The following MACROD2 variants were observed in gnomAD, a reference collection of about 807,000 sequenced individuals.
The protein encoded by MACROD2 is ADP-ribose glycohydrolase MACROD2.
In MACROD2, 36 loss-of-function variants were observed where a neutral mutation model predicts 70.4. The observed-to-expected ratio is 0.51, with a 90% CI of 0.39 to 0.68. The LOEUF is 0.68. Ranked by LOEUF, MACROD2 falls within the 30% of genes least tolerant of loss-of-function variation. The pLI, the probability that MACROD2 is intolerant of heterozygous loss-of-function variation, is 0.00. For synonymous variants in MACROD2, 172 were observed against 178.8 expected, an observed-to-expected ratio of 0.96 and a Z score of 0.30; for missense variants, 496 against 538.4, an observed-to-expected ratio of 0.92 and a Z score of 0.78.
intron 3 of MACROD2, among the ~76,000 whole-genome samples, chr20:14,150,489 T>A (rs975179185): frequency 8.5e-5 from 13 of 152,238 alleles, no homozygotes; most frequent in African/African-American, 3.1e-4. Flanking sequence ...GGAATTATTA[T>A]CTTTCTTCTA....
At chr20:15,645,502 G>A (rs984397168) in intron 8 of MACROD2, among the ~76,000 whole-genome samples, 14 of 152,122 alleles carry the variant, frequency 9.2e-5, no homozygotes, top group African/African-American at 2.2e-4. Flanking sequence ...TGAAAAACTC[G>A]GAAAAGCTCA....
intron 5 of MACROD2, among the ~76,000 whole-genome samples, chr20:14,783,816 C>A (rs1168367785): frequency 6.6e-6 from 1 of 152,046 alleles, no homozygotes; most frequent in Non-Finnish European, 1.5e-5. Flanking sequence ...CTCTGGTGAC[C>A]CCTGTAGAAT....
chr20:15,406,054 A>G (rs959374704), intron 6 of MACROD2, among the ~76,000 whole-genome samples: 1 of 152,144 alleles, frequency 6.6e-6, no homozygotes, highest in African/African-American at 2.4e-5. Flanking sequence ...GCCGTTAGGG[A>G]CTTCCGAGAG....
At chr20:15,238,151 G>A (rs1421433425) in intron 6 of MACROD2, among the ~76,000 whole-genome samples, 1 of 152,182 alleles carries the variant, frequency 6.6e-6, no homozygotes, top group Non-Finnish European at 1.5e-5. Context: ...TTCTAATAGA[G>A]CAAAGCTACA....
At chr20:14,232,947 T>C (rs987767478) in intron 3 of MACROD2, among the ~76,000 whole-genome samples, 1 of 152,224 alleles carries the variant, frequency 6.6e-6, no homozygotes, top group Non-Finnish European at 1.5e-5. Flanking sequence ...TTTCTTTCAG[T>C]TGAACACTTA....
At chr20:14,565,389 C>T (rs11700265) in intron 4 of MACROD2, among the ~76,000 whole-genome samples, 26,665 of 151,496 alleles carry the variant, frequency 0.18, 3,179 homozygotes, top group Non-Finnish European at 0.26. Flanking sequence ...ACTTTCATCA[C>T]CACAAGGATT....
intron 8 of MACROD2, among the ~76,000 whole-genome samples, chr20:15,837,217 T>C (rs2147125248): frequency 6.6e-6 from 1 of 152,324 alleles, no homozygotes; most frequent in South Asian, 2.1e-4. Context: ...TTTCTTAATA[T>C]TGTTTAACCA....
intron 3 of MACROD2, among the ~76,000 whole-genome samples, chr20:14,105,923 A>G (rs1041344291): frequency 6.6e-6 from 1 of 152,216 alleles, no homozygotes; most frequent in African/African-American, 2.4e-5. Context: ...GGCAGGATTC[A>G]TCACCTGTTG....
intron 5 of MACROD2, among the ~76,000 whole-genome samples, chr20:14,932,154 A>G (rs6110471): frequency 0.043 from 6,568 of 152,250 alleles, 413 homozygotes; most frequent in African/African-American, 0.15. Flanking sequence ...CAAACTCCCT[A>G]TTACTTATAT....
intron 5 of MACROD2, among the ~76,000 whole-genome samples, chr20:14,864,316 T>G (rs1443780423): frequency 6.6e-6 from 1 of 152,136 alleles, no homozygotes; most frequent in Non-Finnish European, 1.5e-5. Context: ...AAATAATATC[T>G]GTTTGTGTAT....
chr20:15,059,691 A>T, intron 5 of MACROD2, among the ~76,000 whole-genome samples: 1 of 152,124 alleles, frequency 6.6e-6, no homozygotes, highest in East Asian at 1.9e-4. Context: ...AAAGCTGGAT[A>T]TTTTTACCCA....
chr20:14,924,460 A>AAAAATAT (rs2074204255), intron 5 of MACROD2, among the ~76,000 whole-genome samples: 4 of 152,020 alleles, frequency 2.6e-5, no homozygotes, highest in African/African-American at 9.7e-5. Context: ...ATAAAAAATA[A>AAAAATAT]AAAATAAAAA....
chr20:14,463,746 G>T (rs1193764508), intron 3 of MACROD2, among the ~76,000 whole-genome samples: 1 of 151,962 alleles, frequency 6.6e-6, no homozygotes, highest in African/African-American at 2.4e-5. Flanking sequence ...AGCATGGAGG[G>T]TTTTTGAATT....
In MACROD2 at chr20:15,973,848, G is replaced by A. The variant is rs184365493; in HGVS notation, c.985+6218G>A. 5.8e-4 allele frequency among the ~76,000 whole-genome samples: 89 copies of A among 152,272 alleles called. No individual in the cohort carries two copies. The East Asian group carries it at 0.014, about 23-fold the overall frequency. On this transcript the variant is annotated intron_variant, in intron 13 of 17. Coordinates refer to ENST00000684519, the MANE Select transcript of MACROD2 (RefSeq NM_001351661.2). ...AAAAATCTCCAGTGACAAAGAGTTG[G>A]TTATTTGATATTGATAACAATTTAA... is the stretch of plus-strand genomic sequence containing the variant.
At chr20:14,906,465 G>C (rs1156595273) in intron 5 of MACROD2, among the ~76,000 whole-genome samples, 1 of 152,162 alleles carries the variant, frequency 6.6e-6, no homozygotes, top group East Asian at 1.9e-4. Flanking sequence ...CTGCACTCCA[G>C]CCTGGGCAAC....
At chr20:14,548,922 C>T (rs1978460542) in intron 4 of MACROD2, among the ~76,000 whole-genome samples, 1 of 152,118 alleles carries the variant, frequency 6.6e-6, no homozygotes, top group Non-Finnish European at 1.5e-5. Context: ...GGGAACTCTG[C>T]ACGTGCCTCG....
chr20:15,905,848 G>A (rs2065139469), intron 10 of MACROD2, among the ~76,000 whole-genome samples: 1 of 152,152 alleles, frequency 6.6e-6, no homozygotes. Flanking sequence ...AAGTGTGCCT[G>A]TTCTCTCCTA....
intron 5 of MACROD2, among the ~76,000 whole-genome samples, chr20:14,833,473 A>G (rs1182066135): frequency 6.6e-6 from 1 of 152,142 alleles, no homozygotes; most frequent in Admixed American, 6.5e-5. Context: ...AGGCATTGAA[A>G]AAGTGACAGT....
chr20:15,935,070 C>T (rs1349658937), intron 11 of MACROD2, among the ~76,000 whole-genome samples: 2 of 152,126 alleles, frequency 1.3e-5, no homozygotes, highest in African/African-American at 4.8e-5. Context: ...CGTATGCATG[C>T]ACTCACATAC....
Sources: gnomAD v4.1 joint callset for allele counts (sites outside exome capture counted in the v4.1 genomes callset) on GRCh38, gnomAD v4.1.1 for gene constraint, MANE v1.5 for transcripts, NCBI Gene and HGNC (gene_info 2026-07-23, HGNC 2026-07-21) for gene names.